The following WWOX variants were observed in gnomAD, a reference collection of about 807,000 sequenced individuals.
The protein encoded by WWOX is WW domain-containing oxidoreductase.
WWOX carries 69 observed loss-of-function variants against 46.2 expected under a neutral mutation model. The ratio of observed to expected loss-of-function variants is 1.49; its 90% CI spans 1.23 to 1.82. The LOEUF is 1.82. Among genes scored for constraint, WWOX ranks in the 40% most tolerant of loss-of-function variants. WWOX has a pLI of 0.00. For missense variants in WWOX, 919 were observed against 542.6 expected, an observed-to-expected ratio of 1.69 and a Z score of -6.89; for synonymous variants, 359 against 202.6, an observed-to-expected ratio of 1.77 and a Z score of -6.56.
chr16:78,668,462 C>T (rs934208513), intron 8 of WWOX, among the ~76,000 whole-genome samples: 1 of 152,150 alleles, frequency 6.6e-6, no homozygotes, highest in Non-Finnish European at 1.5e-5. Context: ...TGTATATCCA[C>T]TCATCATTCA....
chr16:78,977,350 C>T (rs1002939162), intron 8 of WWOX, among the ~76,000 whole-genome samples: 2 of 152,160 alleles, frequency 1.3e-5, no homozygotes, highest in African/African-American at 2.4e-5. Flanking sequence ...TGAGATCCTC[C>T]AGATCCTGTT....
chr16:78,761,016 C>T (rs914962102), intron 8 of WWOX, among the ~76,000 whole-genome samples: 1 of 152,116 alleles, frequency 6.6e-6, no homozygotes, highest in South Asian at 2.1e-4. Context: ...AGGAAAGACC[C>T]TCCCCCATGA....
At chr16:79,085,924 T>C (rs1216228147) in intron 8 of WWOX, among the ~76,000 whole-genome samples, 2 of 152,068 alleles carry the variant, frequency 1.3e-5, no homozygotes, top group Non-Finnish European at 2.9e-5. Context: ...TGGTGGTACA[T>C]GCCTGTAGTC....
At chr16:78,846,994 C>G (rs8056921) in intron 8 of WWOX, among the ~76,000 whole-genome samples, 51,369 of 152,144 alleles carry the variant, frequency 0.34, 9,144 homozygotes, top group African/African-American at 0.45. Context: ...ATTGTTCCGG[C>G]TTTGGCCCAT....
In WWOX at chr16:78,338,890, G is replaced by T. The variant is rs1388408402; in HGVS notation, c.517-47970G>T. ...TCAGGTATGTCTATTAAATTTTTAC[G>T]TAAAAAGTTAAAGCAGCCCTCAGCA... On this transcript the variant is annotated intron_variant, in intron 5 of 8. Coordinates refer to ENST00000566780, the MANE Select transcript of WWOX (RefSeq NM_016373.4). 5.0e-5 allele frequency among the ~76,000 whole-genome samples: 6 copies of T among 119,560 alleles called. 2 individuals carry two copies. The highest frequency in any genetic ancestry group is 1.1e-4 in the African/African-American group (4 of 35,468). 78.4% of individuals were successfully genotyped at this position (119,560 alleles called of 152,430 possible).
intron 8 of WWOX, among the ~76,000 whole-genome samples, chr16:78,856,906 C>G (rs558402869): frequency 2.0e-5 from 3 of 152,304 alleles, no homozygotes; most frequent in East Asian, 3.9e-4. Context: ...GATGGTATAA[C>G]CTGCCATACT....
intron 8 of WWOX, chr16:78,552,633 A>G (rs935858487): frequency 3.9e-5 from 6 of 152,200 alleles, no homozygotes; most frequent in African/African-American, 1.2e-4. Flanking sequence ...TGTCTTTCTC[A>G]TGCATATCCC....
At chr16:78,159,085 A>G (rs1158827314) in intron 4 of WWOX, among the ~76,000 whole-genome samples, 3 of 152,186 alleles carry the variant, frequency 2.0e-5, no homozygotes, top group Non-Finnish European at 2.9e-5. Context: ...AGGTTCATCC[A>G]TGTTGTTGCA....
In WWOX at chr16:78,731,845, CTT is replaced by C. The variant is rs200790501; in HGVS notation, c.1056+299110_1056+299111del. On this transcript the variant is annotated intron_variant, in intron 8 of 8. Coordinates refer to ENST00000566780, the MANE Select transcript of WWOX (RefSeq NM_016373.4). Reference sequence around the variant, plus strand: ...CCCAATGCCAATTTTTTTTCTTTCTCTTTTTTTTTTTTTTTTTTGAGAGACAG... The same window carrying C: ...CCCAATGCCAATTTTTTTTCTTTCTCTTTTTTTTTTTTTTTTGAGAGACAG... Among the ~76,000 whole-genome samples, 300 of 129,054 alleles carry C rather than the reference CTT, an allele frequency of 2.3e-3. 5 individuals are homozygous for C. Among genetic ancestry groups the C allele is most frequent in the African/African-American group, 7.8e-3 (274 of 35,120 alleles). 84.7% of individuals were successfully genotyped at this position (129,054 alleles called of 152,430 possible). A position where few individuals can be genotyped will look rare whatever the true frequency, so the allele number is the denominator to read the frequency against.
chr16:79,070,722 C>G (rs1417012992), intron 8 of WWOX, among the ~76,000 whole-genome samples: 1 of 152,152 alleles, frequency 6.6e-6, no homozygotes, highest in Non-Finnish European at 1.5e-5. Flanking sequence ...GTGCAAGCTT[C>G]AAGTGGATAA....
chr16:78,233,615 C>T (rs1329664175), intron 5 of WWOX, among the ~76,000 whole-genome samples: 1 of 151,500 alleles, frequency 6.6e-6, no homozygotes. Flanking sequence ...CAAGCTCCGC[C>T]TCCCGGGTTC....
Position 78,882,427 on chromosome 16 carries a change from C to G in WWOX, c.1057-329181C>G, listed in dbSNP as rs576022903. Among the ~76,000 whole-genome samples the G allele has an allele frequency of 3.9e-5, 6 of 152,020 alleles. No individual in the cohort carries two copies. In the East Asian group the frequency reaches 1.2e-3, roughly 29 times the overall value. On this transcript the variant is annotated intron_variant, in intron 8 of 8. Transcript: ENST00000566780. ...TTACCTGTGCCTCCCATTAAATCAT[C>G]CTAAGCTCCACTACAGCTGGAGAAG...
At chr16:78,151,859 G>T (rs1483926742) in intron 4 of WWOX, among the ~76,000 whole-genome samples, 1 of 152,132 alleles carries the variant, frequency 6.6e-6, no homozygotes, top group East Asian at 1.9e-4. Context: ...TGTGTCTTAC[G>T]TGCACGCTGT....
chr16:78,256,111 T>C (rs377210592), intron 5 of WWOX, among the ~76,000 whole-genome samples: 2 of 138,364 alleles, frequency 1.4e-5, no homozygotes, highest in South Asian at 2.3e-4. Context: ...GACTGCACCA[T>C]TGTACTCCAT....
intron 8 of WWOX, among the ~76,000 whole-genome samples, chr16:79,132,640 A>G (rs968467453): frequency 6.6e-6 from 1 of 152,114 alleles, no homozygotes; most frequent in Admixed American, 6.5e-5. Flanking sequence ...TTTTTAAAAC[A>G]AGAATAAATC....
chr16:78,360,119 C>T (rs540243705), intron 5 of WWOX, among the ~76,000 whole-genome samples: 4 of 152,118 alleles, frequency 2.6e-5, no homozygotes, highest in Non-Finnish European at 5.9e-5. Context: ...AAAACAACGA[C>T]AAAAATCAAC....
intron 5 of WWOX, among the ~76,000 whole-genome samples, chr16:78,202,400 C>G (rs1401784682): frequency 1.3e-5 from 2 of 152,226 alleles, no homozygotes; most frequent in Non-Finnish European, 2.9e-5. Flanking sequence ...TTCTTAAATT[C>G]CGTCGATCTG....
chr16:78,627,578 A>G (rs963158740), intron 8 of WWOX, among the ~76,000 whole-genome samples: 8 of 152,184 alleles, frequency 5.3e-5, no homozygotes, highest in African/African-American at 1.9e-4. Flanking sequence ...TCACAGAGAA[A>G]AGGAGAAGAA....
chr16:78,128,584 C>A (rs1344647565), intron 4 of WWOX, among the ~76,000 whole-genome samples: 4 of 152,180 alleles, frequency 2.6e-5, no homozygotes, highest in Admixed American at 2.6e-4. Flanking sequence ...GATTCAGACA[C>A]AAACGGGATG....
Sources: allele counts gnomAD v4.1 joint callset (sites outside exome capture counted in the v4.1 genomes callset), GRCh38; gene constraint gnomAD v4.1.1; transcripts MANE v1.5; gene names NCBI Gene and HGNC (gene_info 2026-07-23, HGNC 2026-07-21).